Variants in VPS37C observed in about 807,000 individuals in gnomAD.
VPS37C encodes vacuolar protein sorting-associated protein 37C.
Under a neutral mutation model 16.1 loss-of-function variants are expected in VPS37C, and 9 were observed. The observed-to-expected ratio is 0.56, with a 90% CI of 0.34 to 0.97. The LOEUF (loss-of-function observed/expected upper bound fraction) is 0.97. Among genes scored for constraint, VPS37C ranks in the 50% least tolerant of loss-of-function variants. The pLI, the probability that VPS37C is intolerant of heterozygous loss-of-function variation, is 0.02. For missense variants in VPS37C, 479 were observed against 472.7 expected, an observed-to-expected ratio of 1.01 and a Z score of -0.12; for synonymous variants, 207 against 206.4, an observed-to-expected ratio of 1.00 and a Z score of -0.02.
chr11:61,136,727 C>T (rs1231998506), intron 2 of VPS37C, among the ~76,000 whole-genome samples: 2 of 152,178 alleles, frequency 1.3e-5, no homozygotes, highest in African/African-American at 4.8e-5. Context: ...TATACTCATA[C>T]AGATATATAG....
intron 1 of VPS37C, among the ~76,000 whole-genome samples, chr11:61,156,606 C>T (rs1163836500): frequency 6.6e-6 from 1 of 151,920 alleles, no homozygotes; most frequent in Non-Finnish European, 1.5e-5. Context: ...AAAACAAAAA[C>T]ACCACCCATC....
At chr11:61,150,856 T>G (rs1269105964) in intron 1 of VPS37C, among the ~76,000 whole-genome samples, 1 of 152,122 alleles carries the variant, frequency 6.6e-6, no homozygotes, top group Non-Finnish European at 1.5e-5. Context: ...CCAGTTGCCC[T>G]CCAGAGCCTC....
rs1861250143 is a variant in VPS37C at position 61,131,224 on chromosome 11, T to C, written c.*596A>G. ...CACTCAAATAGGACATAGGACAAGC[T>C]TGTCTGACATCAGCTACTGGAGTTA... On this transcript the variant is annotated 3_prime_UTR_variant, in exon 5 of 5. Transcript: ENST00000301765. 5.7e-6 allele frequency: 1 copy of C among 175,342 alleles called. No homozygotes were observed. The allele number at this position is 175,342 out of a possible 1,614,324, so 10.9% of individuals were successfully genotyped here.
At chr11:61,142,815 A>G (rs376652047) in intron 1 of VPS37C, among the ~76,000 whole-genome samples, 46 of 74,980 alleles carry the variant, frequency 6.1e-4, no homozygotes, top group Non-Finnish European at 8.8e-4. Context: ...GGGTGGGGGG[A>G]GGGGGGGAGG....
At chr11:61,154,504 T>C (rs758431774) in intron 1 of VPS37C, among the ~76,000 whole-genome samples, 5 of 151,322 alleles carry the variant, frequency 3.3e-5, no homozygotes, top group Non-Finnish European at 7.4e-5. Context: ...GAAAGAGCAA[T>C]AGAAACTAAC....
chr11:61,154,553 G>A (rs1853350073), intron 1 of VPS37C, among the ~76,000 whole-genome samples: 1 of 151,772 alleles, frequency 6.6e-6, no homozygotes, highest in Non-Finnish European at 1.5e-5. Context: ...AGGGACTACT[G>A]GGAAAAATGA....
At chr11:61,141,418 A>T (rs1861470947) in intron 1 of VPS37C, among the ~76,000 whole-genome samples, 1 of 152,030 alleles carries the variant, frequency 6.6e-6, no homozygotes, top group Non-Finnish European at 1.5e-5. Context: ...TAGAGCAGGG[A>T]AAGAGCAGCC....
At chr11:61,132,594 A>C in intron 4 of VPS37C, 55 bp from the exon 5 acceptor site, 1 of 1,516,130 alleles carries the variant, frequency 6.6e-7, no homozygotes, top group East Asian at 2.3e-5. Flanking sequence ...AGGCCTCTTG[A>C]TTTTCCCCAG....
intron 1 of VPS37C, among the ~76,000 whole-genome samples, chr11:61,149,101 G>A (rs1853260392): frequency 6.6e-6 from 1 of 152,200 alleles, no homozygotes; most frequent in African/African-American, 2.4e-5. Context: ...CTAACATGGT[G>A]AAACCCCATA....
At chr11:61,155,969 TAA>T (rs148656943) in intron 1 of VPS37C, among the ~76,000 whole-genome samples, 5,845 of 152,076 alleles carry the variant, frequency 0.038, 379 homozygotes, top group African/African-American at 0.13. Context: ...GAAATGAAAG[TAA>T]ACTATTGCAA....
At chr11:61,138,587 G>A in intron 2 of VPS37C, 150 bp downstream of exon 2, 1 of 686,622 alleles carries the variant, frequency 1.5e-6, no homozygotes, top group Non-Finnish European at 2.5e-6. Flanking sequence ...GAAGCCTCAG[G>A]GATTCCTCTG....
rs527308046 is a variant in VPS37C, at chr11:61,132,640, C to T, written c.349-101G>A. On this transcript the variant is annotated intron_variant, in intron 4 of 4. Coordinates refer to ENST00000301765, the MANE Select transcript of VPS37C (RefSeq NM_017966.5). ...CAGCTGCAGCCCTCCCACCTCACGC[C>T]GCCTCAGGCACCCCCTCCTCTTCCC... The T allele has an allele frequency of 2.9e-5, 43 of 1,468,092 alleles. No homozygotes were observed. In the Admixed American group the frequency reaches 6.2e-4, roughly 21 times the overall value. 90.9% of individuals were successfully genotyped at this position (1,468,092 alleles called of 1,614,324 possible). A position where few individuals can be genotyped will look rare whatever the true frequency, so the allele number is the denominator to read the frequency against.
chr11:61,161,058 A>T (rs1853465265), intron 1 of VPS37C: 1 of 152,324 alleles, frequency 6.6e-6, no homozygotes, highest in Admixed American at 6.5e-5. Flanking sequence ...ATGTCATCAG[A>T]ATTGTGACCG....
intron 1 of VPS37C, among the ~76,000 whole-genome samples, chr11:61,147,066 G>T (rs1196928609): frequency 1.3e-5 from 2 of 152,166 alleles, no homozygotes; most frequent in Non-Finnish European, 2.9e-5. Context: ...ACTCAAAGTT[G>T]TGAGAAACTG....
intron 1 of VPS37C, among the ~76,000 whole-genome samples, chr11:61,140,683 G>C (rs1042527619): frequency 6.6e-6 from 1 of 152,218 alleles, no homozygotes; most frequent in Non-Finnish European, 1.5e-5. Flanking sequence ...ATTTTGAGAA[G>C]ATGACAGCTC....
chr11:61,154,351 T>C (rs964931753), intron 1 of VPS37C, among the ~76,000 whole-genome samples: 5 of 152,130 alleles, frequency 3.3e-5, no homozygotes, highest in Admixed American at 2.0e-4. Flanking sequence ...AAAAGAAAGA[T>C]TAAGCATGTT....
intron 2 of VPS37C, among the ~76,000 whole-genome samples, chr11:61,136,319 A>G (rs529317005): frequency 9.9e-5 from 15 of 152,118 alleles, no homozygotes; most frequent in East Asian, 3.9e-4. Flanking sequence ...GACTACAGGC[A>G]CGTGCCACCA....
Position 61,138,746 on chromosome 11 carries a change from C to T in VPS37C, c.84G>A (p.Glu28=). Reference sequence around the variant, plus strand: ...ACCAGCCTCCCTCTACCTCAGGGGACTCCAGGGCCAGCTGGTCAATCGCCT... The same window carrying T: ...ACCAGCCTCCCTCTACCTCAGGGGATTCCAGGGCCAGCTGGTCAATCGCCT... ...DSEAIDQLAL[E]SPEVQDLQLE... is the part of the protein sequence containing the mutation. The change falls in exon 2 of 5, where the codon GAG becomes GAA. Residue 28 remains glutamate, a synonymous_variant. Transcript: ENST00000301765. The T allele has an allele frequency of 2.5e-6, 4 of 1,614,168 alleles. No individual in the cohort carries two copies. Among genetic ancestry groups the T allele is most frequent in the Non-Finnish European group, 3.4e-6 (4 of 1,180,034 alleles).
At chr11:61,158,093 A>G (rs1853406390) in intron 1 of VPS37C, among the ~76,000 whole-genome samples, 3 of 152,228 alleles carry the variant, frequency 2.0e-5, no homozygotes, top group African/African-American at 7.2e-5. Flanking sequence ...TTCTTTATAA[A>G]TTATCCAGCT....
Sources: allele counts gnomAD v4.1 joint callset (sites outside exome capture counted in the v4.1 genomes callset), GRCh38; gene constraint gnomAD v4.1.1; transcripts MANE v1.5; gene names NCBI Gene and HGNC (gene_info 2026-07-23, HGNC 2026-07-21).